Variants in KCNU1 observed in about 807,000 individuals in gnomAD.
KCNU1 encodes potassium calcium-activated channel subfamily U member 1, also known as potassium channel subfamily U member 1.
Under a neutral mutation model 126.8 loss-of-function variants are expected in KCNU1, and 93 were observed. The observed-to-expected ratio is 0.73, with a 90% confidence interval of 0.62 to 0.87. The LOEUF (loss-of-function observed/expected upper bound fraction) is 0.87, where lower values mean the gene tolerates loss of function less well. KCNU1 is among the 40% of genes least tolerant of loss of function. The pLI, the probability that KCNU1 is intolerant of heterozygous loss-of-function variation, is 0.00. For missense variants in KCNU1, 1,330 were observed against 1,367.1 expected, an observed-to-expected ratio of 0.97 and a Z score of 0.43; for synonymous variants, 523 against 494.2, an observed-to-expected ratio of 1.06 and a Z score of -0.77.
At chr8:36,842,265 A>T (rs1014930347) in intron 16 of KCNU1, among the ~76,000 whole-genome samples, 4 of 152,248 alleles carry the variant, frequency 2.6e-5, no homozygotes, top group African/African-American at 4.8e-5. Context: ...AATAATTTTC[A>T]ATTATATCAG....
chr8:36,886,681 TG>T (rs772781141), intron 19 of KCNU1, among the ~76,000 whole-genome samples: 4 of 152,212 alleles, frequency 2.6e-5, no homozygotes, highest in East Asian at 1.9e-4. Flanking sequence ...GGGGTACAAG[TG>T]GTTTTTTGGT....
chr8:36,802,430 G>A (rs988445148), intron 2 of KCNU1, among the ~76,000 whole-genome samples: 1 of 152,172 alleles, frequency 6.6e-6, no homozygotes, highest in African/African-American at 2.4e-5. Context: ...TTGTTGGCTA[G>A]CTGCTTTGTG....
intron 19 of KCNU1, among the ~76,000 whole-genome samples, chr8:36,868,523 T>G (rs1805990575): frequency 6.6e-6 from 1 of 152,144 alleles, no homozygotes; most frequent in Non-Finnish European, 1.5e-5. Flanking sequence ...GATGTAATCT[T>G]CAGGCCACCA....
At chr8:36,806,225 C>G in intron 4 of KCNU1, 44 bp from the exon 5 acceptor site, 1 of 1,298,958 alleles carries the variant, frequency 7.7e-7, no homozygotes, top group Non-Finnish European at 1.1e-6. Context: ...ACTTAAAATT[C>G]TTGAGGGTAA....
chr8:36,798,189 C>G (rs568199467), intron 2 of KCNU1, among the ~76,000 whole-genome samples: 1 of 152,282 alleles, frequency 6.6e-6, no homozygotes, highest in South Asian at 2.1e-4. Flanking sequence ...ACTCCTTCCT[C>G]TTAGGTCTTG....
chr8:36,881,122 C>T (rs1354904769), intron 19 of KCNU1, among the ~76,000 whole-genome samples: 2 of 152,218 alleles, frequency 1.3e-5, no homozygotes, highest in Admixed American at 1.3e-4. Flanking sequence ...GCTGCCGCCA[C>T]TGACAAGACC....
At chr8:36,821,352 A>G (rs1457738882) in intron 10 of KCNU1, among the ~76,000 whole-genome samples, 1 of 152,204 alleles carries the variant, frequency 6.6e-6, no homozygotes, top group African/African-American at 2.4e-5. Context: ...CCTCCGTTAC[A>G]ACCCCTACCA....
At chr8:36,801,674 G>A (rs543183664) in intron 2 of KCNU1, among the ~76,000 whole-genome samples, 98 of 151,890 alleles carry the variant, frequency 6.5e-4, no homozygotes, top group African/African-American at 2.3e-3. Flanking sequence ...ATGTATATAT[G>A]TGTGTATATA....
intron 19 of KCNU1, among the ~76,000 whole-genome samples, chr8:36,870,727 T>A (rs1448695667): frequency 6.6e-6 from 1 of 152,204 alleles, no homozygotes; most frequent in Non-Finnish European, 1.5e-5. Flanking sequence ...AGCATAGGCT[T>A]TCCTATTTGA....
In KCNU1 at chr8:36,814,281, G is replaced by A; in HGVS notation, c.807G>A (p.Leu269=). 3 of 1,612,912 alleles carry A rather than the reference G, an allele frequency of 1.9e-6. No homozygotes were observed. The highest frequency in any genetic ancestry group is 2.7e-5 in the African/African-American group (2 of 74,996). The change falls in exon 8 of 27, where the codon CTG becomes CTA. Residue 269 remains leucine, a synonymous_variant. Coordinates refer to ENST00000399881, the MANE Select transcript of KCNU1 (RefSeq NM_001031836.3). ...QNISYFESIY[L]VMATTSTVGF... ...TATCATATTTTGAGTCAATTTACCTGGTCATGGCAACAACGTCAACCGTTG... is the reference window on the plus strand; with the variant it reads ...TATCATATTTTGAGTCAATTTACCTAGTCATGGCAACAACGTCAACCGTTG...
At chr8:36,840,097 T>C (rs1459155618) in intron 14 of KCNU1, among the ~76,000 whole-genome samples, 1 of 152,210 alleles carries the variant, frequency 6.6e-6, no homozygotes, top group Non-Finnish European at 1.5e-5. Context: ...TGAGTAGTCA[T>C]ATCCAGAGAG....
chr8:36,829,221 G>A (rs997119469), intron 10 of KCNU1, among the ~76,000 whole-genome samples: 5 of 151,820 alleles, frequency 3.3e-5, no homozygotes, highest in African/African-American at 1.2e-4. Flanking sequence ...TTTATAATTT[G>A]TCTTATTGCT....
intron 19 of KCNU1, among the ~76,000 whole-genome samples, chr8:36,884,361 G>A (rs531851922): frequency 4.6e-5 from 7 of 152,112 alleles, no homozygotes; most frequent in Admixed American, 2.0e-4. Flanking sequence ...ATAATGACCC[G>A]TGAAGCAAAT....
chr8:36,813,737 T>C (rs1244070047), intron 7 of KCNU1, among the ~76,000 whole-genome samples: 3 of 152,146 alleles, frequency 2.0e-5, no homozygotes, highest in Non-Finnish European at 4.4e-5. Context: ...TGGTTTGTTT[T>C]TCTGTAGACA....
chr8:36,902,103 A>C (rs142378033), intron 19 of KCNU1, among the ~76,000 whole-genome samples: 14 of 152,122 alleles, frequency 9.2e-5, no homozygotes, highest in Admixed American at 2.0e-4. Context: ...TGTAAATTGC[A>C]TTCGGTTTTG....
intron 10 of KCNU1, among the ~76,000 whole-genome samples, chr8:36,832,122 C>T (rs897141525): frequency 1.3e-5 from 2 of 152,084 alleles, no homozygotes; most frequent in African/African-American, 4.8e-5. Context: ...TGATCTATAT[C>T]TCTGTTTTGG....
intron 18 of KCNU1, among the ~76,000 whole-genome samples, chr8:36,858,186 A>AAC (rs1554508947): frequency 2.6e-5 from 4 of 151,492 alleles, no homozygotes; most frequent in African/African-American, 9.7e-5. Flanking sequence ...CAAAAAAAAA[A>AAC]AAAAAAAAAA....
chr8:36,861,109 A>C (rs1382620002), intron 18 of KCNU1, among the ~76,000 whole-genome samples: 1 of 151,932 alleles, frequency 6.6e-6, no homozygotes, highest in African/African-American at 2.4e-5. Context: ...CCCTGGTCTT[A>C]GGTTAGGTAG....
chr8:36,932,836 T>C (rs1483676303), intron 25 of KCNU1, 84 bp from the exon 26 acceptor site: 4 of 772,186 alleles, frequency 5.2e-6, no homozygotes, highest in Non-Finnish European at 8.9e-6. Flanking sequence ...TACTACCAGA[T>C]AAAGCAAACG....
Sources: gnomAD v4.1 joint callset for allele counts (sites outside exome capture counted in the v4.1 genomes callset) on GRCh38, gnomAD v4.1.1 for gene constraint, MANE v1.5 for transcripts, NCBI Gene and HGNC (gene_info 2026-07-23, HGNC 2026-07-21) for gene names.